PRKG1: variants seen among roughly 807,000 people sequenced by gnomAD.
PRKG1 encodes cGMP-dependent protein kinase 1.
Under a neutral mutation model 88.1 loss-of-function variants are expected in PRKG1, and 35 were observed. The observed-to-expected ratio is 0.40, with a 90% confidence interval of 0.30 to 0.53. The LOEUF (loss-of-function observed/expected upper bound fraction) is 0.53. Among genes scored for constraint, PRKG1 ranks in the 20% least tolerant of loss-of-function variants. The pLI is 0.59. For synonymous variants in PRKG1, 303 were observed against 292.5 expected, an observed-to-expected ratio of 1.04 and a Z score of -0.37; for missense variants, 540 against 839.8, an observed-to-expected ratio of 0.64 and a Z score of 4.41.
chr10:51,991,534 C>G (rs1476268362), intron 5 of PRKG1, among the ~76,000 whole-genome samples: 1 of 152,130 alleles, frequency 6.6e-6, no homozygotes. Flanking sequence ...TCCCCCACTC[C>G]CCCAGCCCAT....
At chr10:51,850,489 T>TTATA (rs141736837) in intron 4 of PRKG1, among the ~76,000 whole-genome samples, 50 of 143,656 alleles carry the variant, frequency 3.5e-4, no homozygotes, top group African/African-American at 1.2e-3. Context: ...TGTTGCAATT[T>TTATA]TATATATATA....
intron 2 of PRKG1, among the ~76,000 whole-genome samples, chr10:51,384,102 A>G (rs1231294976): frequency 1.3e-5 from 2 of 152,168 alleles, no homozygotes; most frequent in African/African-American, 4.8e-5. Context: ...TTTGAAAAAA[A>G]AAATTCTTTT....
At chr10:52,134,680 T>C (rs1367010448) in intron 8 of PRKG1, among the ~76,000 whole-genome samples, 1 of 152,088 alleles carries the variant, frequency 6.6e-6, no homozygotes, top group East Asian at 1.9e-4. Context: ...TCCATTTTAG[T>C]GGAGCCATTC....
chr10:51,428,901 T>C (rs946986610), intron 2 of PRKG1, among the ~76,000 whole-genome samples: 22 of 152,286 alleles, frequency 1.4e-4, no homozygotes, highest in African/African-American at 4.6e-4. Flanking sequence ...CAGGGAGATC[T>C]AGTGAATAAG....
intron 3 of PRKG1, among the ~76,000 whole-genome samples, chr10:51,711,819 A>G (rs930186748): frequency 6.6e-6 from 1 of 152,228 alleles, no homozygotes; most frequent in African/African-American, 2.4e-5. Flanking sequence ...AACTTAGAAG[A>G]AAACACTTTA....
intron 3 of PRKG1, among the ~76,000 whole-genome samples, chr10:51,602,747 T>C (rs963818082): frequency 8.9e-6 from 1 of 112,106 alleles, no homozygotes; most frequent in Non-Finnish European, 1.9e-5. Flanking sequence ...TGTGTGTGTG[T>C]GTGTGTGTGT....
At chr10:51,724,869 C>CTTTTTTTTTTTT (rs556620255) in intron 3 of PRKG1, among the ~76,000 whole-genome samples, 1 of 110,780 alleles carries the variant, frequency 9.0e-6, no homozygotes, top group African/African-American at 3.6e-5. Context: ...AATTTTTGTA[C>CTTTTTTTTTTTT]TTTTTTTTTT....
intron 2 of PRKG1, chr10:51,320,739 T>A (rs188705169): frequency 6.6e-6 from 1 of 152,310 alleles, no homozygotes; most frequent in East Asian, 1.9e-4. Context: ...CTCAAATAAA[T>A]GCAATGTGCG....
chr10:51,074,415 G>A (rs1589133501), upstream of PRKG1: 2 of 1,438,690 alleles, frequency 1.4e-6, no homozygotes, highest in Non-Finnish European at 1.8e-6. Flanking sequence ...GAAACTCTGG[G>A]TGGCTGGAGC....
At chr10:51,161,437 C>T (rs1191765674) in intron 2 of PRKG1, among the ~76,000 whole-genome samples, 9 of 152,142 alleles carry the variant, frequency 5.9e-5, no homozygotes, top group Non-Finnish European at 1.2e-4. Flanking sequence ...AGCCTTATCT[C>T]ATTGTGGTTC....
intron 3 of PRKG1, among the ~76,000 whole-genome samples, chr10:51,694,412 A>G (rs1157110913): frequency 6.6e-6 from 1 of 152,250 alleles, no homozygotes; most frequent in Non-Finnish European, 1.5e-5. Context: ...GTGTAGTTGA[A>G]AAGCCAAACA....
At chr10:51,215,930 G>A (rs1348366848) in intron 2 of PRKG1, among the ~76,000 whole-genome samples, 1 of 152,234 alleles carries the variant, frequency 6.6e-6, no homozygotes, top group Non-Finnish European at 1.5e-5. Flanking sequence ...AGGTGTCTTT[G>A]AAGACATAAC....
intron 3 of PRKG1, among the ~76,000 whole-genome samples, chr10:51,507,050 G>A (rs1287244463): frequency 6.6e-6 from 1 of 150,714 alleles, no homozygotes; most frequent in African/African-American, 2.4e-5. Context: ...CTAGTGCAAG[G>A]ACAAAACACC....
At chr10:51,230,792 A>C (rs1281726097) in intron 2 of PRKG1, among the ~76,000 whole-genome samples, 1 of 152,186 alleles carries the variant, frequency 6.6e-6, no homozygotes, top group East Asian at 1.9e-4. Context: ...ACTAGAAAAA[A>C]AAAAAGCCTG....
chr10:51,200,126 G>T (rs1015005705), intron 2 of PRKG1, among the ~76,000 whole-genome samples: 2 of 152,166 alleles, frequency 1.3e-5, no homozygotes, highest in African/African-American at 2.4e-5. Context: ...AATTTATGAG[G>T]TGAAAAATAC....
At chr10:52,165,225 C>T (rs1002809771) in intron 9 of PRKG1, among the ~76,000 whole-genome samples, 1 of 151,986 alleles carries the variant, frequency 6.6e-6, no homozygotes, top group South Asian at 2.1e-4. Flanking sequence ...TAATTAATAT[C>T]GGAAGTTTTC....
intron 2 of PRKG1, among the ~76,000 whole-genome samples, chr10:51,226,151 C>A (rs967029633): frequency 7.2e-5 from 11 of 152,074 alleles, no homozygotes; most frequent in Non-Finnish European, 1.0e-4. Context: ...TTGCAGTGAC[C>A]CAAGATCACT....
At chr10:51,814,270 AAATTCTATAAAATAC>A (rs1180360439) in intron 4 of PRKG1, among the ~76,000 whole-genome samples, 3 of 152,212 alleles carry the variant, frequency 2.0e-5, no homozygotes, top group African/African-American at 7.2e-5. Flanking sequence ...TTTTGGGCAC[AAATTCTATAAAATAC>A]AACAATATTG....
chr10:52,177,953 T>C (rs1269098659), intron 9 of PRKG1, among the ~76,000 whole-genome samples: 2 of 151,786 alleles, frequency 1.3e-5, no homozygotes, highest in African/African-American at 4.8e-5. Flanking sequence ...TTTTGTTTTA[T>C]TGAGTTTTGC....
Sources: allele counts gnomAD v4.1 joint callset (sites outside exome capture counted in the v4.1 genomes callset), GRCh38; gene constraint gnomAD v4.1.1; transcripts MANE v1.5; gene names NCBI Gene and HGNC (gene_info 2026-07-23, HGNC 2026-07-21).